Variants in PLD5 observed in about 807,000 individuals in gnomAD.
PLD5 encodes the protein phospholipase D family member 5, also known as inactive phospholipase D5.
Under a neutral mutation model 61.1 loss-of-function variants are expected in PLD5, and 36 were observed. That is an observed-to-expected ratio of 0.59 (90% CI 0.45 to 0.78). The LOEUF is 0.78. PLD5 is among the 30% of genes least tolerant of loss of function. The pLI is 0.00. For missense variants in PLD5, 515 were observed against 644.4 expected (o/e 0.80, Z 2.17); for synonymous variants, 243 against 242.8 (o/e 1.00, Z -0.01).
At chr1:242,361,214 T>C (rs1279617470) in intron 1 of PLD5, among the ~76,000 whole-genome samples, 2 of 152,198 alleles carry the variant, frequency 1.3e-5, no homozygotes, top group Non-Finnish European at 2.9e-5. Flanking sequence ...GCAGTTTAGC[T>C]AGTTATTTCC....
Position 242,096,998 on chromosome 1 carries a change from T to C in PLD5, c.1354+3670A>G, listed in dbSNP as rs185484858. Among the ~76,000 whole-genome samples the C allele has an allele frequency of 9.6e-3, 1,380 of 144,220 alleles. 6 individuals are homozygous for C. Among genetic ancestry groups the C allele is most frequent in the Middle Eastern group, 0.019 (5 of 262 alleles). 94.6% of individuals were successfully genotyped at this position (144,220 alleles called of 152,430 possible). ...CCCACCTATGAGTGAGAACATGCGG[T>C]GTTTGGTTTTTTGTCCTTGTGATAG... On this transcript the variant is annotated intron_variant, in intron 9 of 9. Coordinates refer to ENST00000536534, the MANE Select transcript of PLD5 (RefSeq NM_001372062.1).
At chr1:242,311,762 TG>T (rs929166098) in intron 2 of PLD5, among the ~76,000 whole-genome samples, 1 of 151,526 alleles carries the variant, frequency 6.6e-6, no homozygotes, top group African/African-American at 2.5e-5. Flanking sequence ...TTCCTCAAAT[TG>T]GGGGTATTTT....
At chr1:242,493,629 G>A (rs1668247516) in intron 1 of PLD5, among the ~76,000 whole-genome samples, 1 of 152,120 alleles carries the variant, frequency 6.6e-6, no homozygotes. Context: ...AGAGAGGACG[G>A]GCTTGTCTAG....
rs1217571209 is a variant in PLD5, at chr1:242,143,101, C to T, written c.736-18436G>A. Among the ~76,000 whole-genome samples, 3 of 150,492 alleles carry T rather than the reference C, an allele frequency of 2.0e-5. No individual in the cohort carries two copies. In the East Asian group the frequency reaches 5.9e-4, roughly 30 times the overall value. On this transcript the variant is annotated intron_variant, in intron 5 of 9. Transcript: ENST00000536534. ...GGAGTACAGTGGTGCCATCTCCGCT[C>T]ACTGCAACCTCCATCTCCTAGGTTC... is the stretch of plus-strand genomic sequence containing the variant.
chr1:242,392,364 T>C (rs1190685200), intron 1 of PLD5, among the ~76,000 whole-genome samples: 1 of 152,168 alleles, frequency 6.6e-6, no homozygotes, highest in East Asian at 1.9e-4. Flanking sequence ...TGTTACTCTA[T>C]ACTCCCTGGT....
intron 1 of PLD5, among the ~76,000 whole-genome samples, chr1:242,513,301 G>A (rs1198327469): frequency 3.9e-5 from 6 of 152,178 alleles, no homozygotes; most frequent in Non-Finnish European, 8.8e-5. Context: ...TCATTCATTC[G>A]TTCACTTGCT....
At chr1:242,445,860 T>C (rs1666513077) in intron 1 of PLD5, among the ~76,000 whole-genome samples, 1 of 151,998 alleles carries the variant, frequency 6.6e-6, no homozygotes, top group Non-Finnish European at 1.5e-5. Context: ...GCAGGTGGAT[T>C]TTCTTTCACA....
At chr1:242,366,892 T>C (rs1298924103) in intron 1 of PLD5, among the ~76,000 whole-genome samples, 1 of 152,116 alleles carries the variant, frequency 6.6e-6, no homozygotes, top group Non-Finnish European at 1.5e-5. Context: ...ACAACCCTGG[T>C]TATTTTTATT....
chr1:242,275,185 G>A (rs1439185696), intron 3 of PLD5, among the ~76,000 whole-genome samples: 2 of 151,804 alleles, frequency 1.3e-5, no homozygotes, highest in Non-Finnish European at 2.9e-5. Flanking sequence ...TTAAGTCAAA[G>A]TGTTCTTTTG....
intron 4 of PLD5, among the ~76,000 whole-genome samples, chr1:242,224,599 G>T (rs571798039): frequency 6.4e-4 from 98 of 152,136 alleles, no homozygotes; most frequent in Non-Finnish European, 1.2e-3. Context: ...ACATGCAAAA[G>T]AATGCTGAAA....
rs149535506 is a variant in PLD5 at position 242,177,395 on chromosome 1, A to T, written c.735+42593T>A. 1.4e-3 allele frequency among the ~76,000 whole-genome samples: 218 copies of T among 152,196 alleles called. 1 individual carries two copies. Among genetic ancestry groups the T allele is most frequent in the African/African-American group, 4.8e-3 (198 of 41,536 alleles). On this transcript the variant is annotated intron_variant, in intron 5 of 9. Coordinates refer to ENST00000536534, the MANE Select transcript of PLD5 (RefSeq NM_001372062.1). ...ACAGACAGACACAGGGAGGGGAACA[A>T]CACACACCGGGGCCTGTTGGGTGGT...
chr1:242,341,970 G>C (rs1659859727), intron 2 of PLD5, among the ~76,000 whole-genome samples: 2 of 151,748 alleles, frequency 1.3e-5, no homozygotes, highest in Admixed American at 1.3e-4. Flanking sequence ...CAAGTGTGAG[G>C]AGGTCTTGAA....
chr1:242,114,176 AT>A, intron 6 of PLD5, 150 bp from the exon 7 acceptor site: 3 of 878,622 alleles, frequency 3.4e-6, no homozygotes, highest in South Asian at 2.0e-5. Context: ...GATATTTTCA[AT>A]CTTATCAAAG....
chr1:242,170,189 C>T (rs1666644535), intron 5 of PLD5, among the ~76,000 whole-genome samples: 1 of 152,202 alleles, frequency 6.6e-6, no homozygotes, highest in Non-Finnish European at 1.5e-5. Flanking sequence ...AGAGCTCCAA[C>T]TGGCATCTGG....
intron 2 of PLD5, among the ~76,000 whole-genome samples, chr1:242,298,523 G>A (rs1159784323): frequency 6.6e-6 from 1 of 152,170 alleles, no homozygotes; most frequent in Non-Finnish European, 1.5e-5. Context: ...CTGAGCTTGT[G>A]TGTTTGACAA....
chr1:242,207,854 A>ATATATATT lies in PLD5; in HGVS notation c.735+12133_735+12134insAATATATA, dbSNP rs1380427537. On this transcript the variant is annotated intron_variant, in intron 5 of 9. Coordinates refer to ENST00000536534, the MANE Select transcript of PLD5 (RefSeq NM_001372062.1). ...TATATTTATATATTTATATATATTT[A>ATATATATT]TATATTTATATATTTATATATATTT... 6.3e-5 allele frequency among the ~76,000 whole-genome samples: 3 copies of ATATATATT among 47,558 alleles called. 1 individual carries two copies. The highest frequency in any genetic ancestry group is 1.1e-4 in the Non-Finnish European group (3 of 27,878). The allele number at this position is 47,558 out of a possible 152,430, so 31.2% of individuals were successfully genotyped here. A position where few individuals can be genotyped will look rare whatever the true frequency, so the allele number is the denominator to read the frequency against.
At chr1:242,249,447 T>C (rs969716632) in intron 4 of PLD5, among the ~76,000 whole-genome samples, 2 of 152,256 alleles carry the variant, frequency 1.3e-5, no homozygotes, top group Admixed American at 1.3e-4. Context: ...CAGTCTCAGA[T>C]ATTCTGTTAT....
At chr1:242,442,479 G>A (rs1572161427) in intron 1 of PLD5, among the ~76,000 whole-genome samples, 1 of 152,144 alleles carries the variant, frequency 6.6e-6, no homozygotes, top group African/African-American at 2.4e-5. Context: ...ATAAAGAAGG[G>A]TATTTAAAGC....
At chr1:242,219,599 G>T (rs1226562152) in intron 5 of PLD5, among the ~76,000 whole-genome samples, 2 of 152,148 alleles carry the variant, frequency 1.3e-5, no homozygotes, top group Non-Finnish European at 2.9e-5. Flanking sequence ...TGAGATTAAA[G>T]AAATAACCCA....
Sources: gnomAD v4.1 joint callset for allele counts (sites outside exome capture counted in the v4.1 genomes callset) on GRCh38, gnomAD v4.1.1 for gene constraint, MANE v1.5 for transcripts, NCBI Gene and HGNC (gene_info 2026-07-23, HGNC 2026-07-21) for gene names.